The following LHFPL3 variants were observed in gnomAD, a reference collection of about 807,000 sequenced individuals.
The protein encoded by LHFPL3 is LHFPL tetraspan subfamily member 3, also known as LHFPL tetraspan subfamily member 3 protein.
Under a neutral mutation model 19.3 loss-of-function variants are expected in LHFPL3, and 5 were observed. The observed-to-expected ratio is 0.26, with a 90% CI of 0.14 to 0.54. LHFPL3 has a LOEUF of 0.54. LHFPL3 is among the 20% of genes least tolerant of loss of function. The pLI, the probability that LHFPL3 is intolerant of heterozygous loss-of-function variation, is 0.94. For synonymous variants in LHFPL3, 133 were observed against 126.2 expected, an observed-to-expected ratio of 1.05 and a Z score of -0.36; for missense variants, 249 against 307.4, an observed-to-expected ratio of 0.81 and a Z score of 1.42.
At chr7:104,750,629 G>A (rs976018266) in intron 2 of LHFPL3, among the ~76,000 whole-genome samples, 1 of 138,718 alleles carries the variant, frequency 7.2e-6, no homozygotes, top group Non-Finnish European at 1.6e-5. Context: ...GGGATTTTTT[G>A]TGGGGGCTCC....
chr7:104,495,585 A>T (rs575120824), intron 1 of LHFPL3, among the ~76,000 whole-genome samples: 4 of 152,104 alleles, frequency 2.6e-5, no homozygotes, highest in East Asian at 3.9e-4. Context: ...GGGTTTCACC[A>T]TGTTAGCCAG....
At chr7:104,515,273 A>T (rs563338401) in intron 1 of LHFPL3, among the ~76,000 whole-genome samples, 1 of 152,178 alleles carries the variant, frequency 6.6e-6, no homozygotes, top group Non-Finnish European at 1.5e-5. Flanking sequence ...ATTCCCTGAG[A>T]TGTTTCACTC....
At chr7:104,488,922 A>G (rs1208774808) in intron 1 of LHFPL3, among the ~76,000 whole-genome samples, 1 of 152,162 alleles carries the variant, frequency 6.6e-6, no homozygotes, top group African/African-American at 2.4e-5. Flanking sequence ...GATTTCAGGC[A>G]AAGAGAACCG....
At chr7:104,490,529 C>T (rs1793322411) in intron 1 of LHFPL3, among the ~76,000 whole-genome samples, 1 of 152,082 alleles carries the variant, frequency 6.6e-6, no homozygotes, top group African/African-American at 2.4e-5. Flanking sequence ...CCCCTGAGTA[C>T]CCAGATCCAA....
intron 1 of LHFPL3, among the ~76,000 whole-genome samples, chr7:104,354,780 A>G (rs1790242736): frequency 6.6e-6 from 1 of 152,128 alleles, no homozygotes; most frequent in African/African-American, 2.4e-5. Flanking sequence ...CCACATATGT[A>G]ATTGCACAAT....
At chr7:104,446,565 A>AT (rs912063272) in intron 1 of LHFPL3, among the ~76,000 whole-genome samples, 2 of 151,776 alleles carry the variant, frequency 1.3e-5, no homozygotes, top group South Asian at 2.1e-4. Context: ...TTTTTATTTT[A>AT]TTTTTTTATT....
rs117242707 is a variant in LHFPL3 at position 104,503,366 on chromosome 7, T to C, written c.445+174142T>C. ...CAGGAAAAAATTAGCTGTCTCTGGC[T>C]TGTGGAATTGTAAGTACTTTTTATA... On this transcript the variant is annotated intron_variant, in intron 1 of 2. Transcript: ENST00000424859. Among the ~76,000 whole-genome samples the C allele has an allele frequency of 3.9e-3, 585 of 151,798 alleles. 24 individuals are homozygous for C. In the East Asian group the frequency reaches 0.091, roughly 24 times the overall value.
At position 104,854,147 on chromosome 7, in the gene LHFPL3, A is replaced by C. The variant is rs150746459; in HGVS notation, c.683-52040A>C. On this transcript the variant is annotated intron_variant, in intron 2 of 2. Transcript: ENST00000424859. ...ATAGGAGATACCCAGAGACATGAGC[A>C]AATTTCAAAGAGGTGGCTTTAAGTT... 3.7e-3 allele frequency among the ~76,000 whole-genome samples: 567 copies of C among 152,346 alleles called. 8 individuals are homozygous for C. The highest frequency in any genetic ancestry group is 0.013 in the African/African-American group (546 of 41,576).
intron 2 of LHFPL3, among the ~76,000 whole-genome samples, chr7:104,864,122 G>A (rs183332015): frequency 6.6e-6 from 1 of 152,176 alleles, no homozygotes; most frequent in Non-Finnish European, 1.5e-5. Flanking sequence ...CTGTGTAAAA[G>A]TTCTGTACAA....
intron 1 of LHFPL3, among the ~76,000 whole-genome samples, chr7:104,381,465 C>T (rs1790827873): frequency 6.6e-6 from 1 of 151,850 alleles, no homozygotes; most frequent in African/African-American, 2.4e-5. Flanking sequence ...TAAATAATGC[C>T]CTTTGCCCCA....
chr7:104,347,024 C>T (rs1790080835), intron 1 of LHFPL3, among the ~76,000 whole-genome samples: 2 of 130,708 alleles, frequency 1.5e-5, no homozygotes, highest in Admixed American at 8.5e-5. Context: ...GTTCCTTAGC[C>T]TATCTGTGCC....
chr7:104,554,536 G>C (rs1794721804), intron 1 of LHFPL3, among the ~76,000 whole-genome samples: 1 of 152,104 alleles, frequency 6.6e-6, no homozygotes. Context: ...ACTTCATGTT[G>C]CTATCCTAAT....
At chr7:104,823,777 C>T (rs1790724029) in intron 2 of LHFPL3, among the ~76,000 whole-genome samples, 1 of 152,042 alleles carries the variant, frequency 6.6e-6, no homozygotes, top group African/African-American at 2.4e-5. Flanking sequence ...AAATCAACCT[C>T]CACATTTGCT....
chr7:104,732,788 G>T (rs1793730152), intron 1 of LHFPL3, among the ~76,000 whole-genome samples: 1 of 151,998 alleles, frequency 6.6e-6, no homozygotes, highest in South Asian at 2.1e-4. Flanking sequence ...GTTTGCTCTT[G>T]CTTCTCTAGT....
chr7:104,337,384 C>G (rs1416002475), intron 1 of LHFPL3, among the ~76,000 whole-genome samples: 1 of 151,954 alleles, frequency 6.6e-6, no homozygotes, highest in Non-Finnish European at 1.5e-5. Flanking sequence ...TGTATTGGCA[C>G]AGGACAAGCA....
intron 2 of LHFPL3, among the ~76,000 whole-genome samples, chr7:104,880,722 G>C (rs1339391637): frequency 6.6e-6 from 1 of 151,672 alleles, no homozygotes; most frequent in Non-Finnish European, 1.5e-5. Flanking sequence ...AAATATTACT[G>C]TTCATTGACA....
At chr7:104,896,199 G>A (rs1019115926) in intron 2 of LHFPL3, 1 of 152,234 alleles carries the variant, frequency 6.6e-6, no homozygotes, top group African/African-American at 2.4e-5. Context: ...CACTTTGGGA[G>A]ACATAATTCA....
At chr7:104,862,207 C>T (rs183819704) in intron 2 of LHFPL3, among the ~76,000 whole-genome samples, 1 of 152,098 alleles carries the variant, frequency 6.6e-6, no homozygotes, top group African/African-American at 2.4e-5. Context: ...TAGTCTGCCA[C>T]CCAGAAAAAT....
intron 2 of LHFPL3, among the ~76,000 whole-genome samples, chr7:104,847,819 A>ATCT (rs1481806878): frequency 6.6e-6 from 1 of 152,242 alleles, no homozygotes; most frequent in Non-Finnish European, 1.5e-5. Flanking sequence ...GCTATGATGA[A>ATCT]TCTTTTTTAG....
Sources: gnomAD v4.1 joint callset for allele counts (sites outside exome capture counted in the v4.1 genomes callset) on GRCh38, gnomAD v4.1.1 for gene constraint, MANE v1.5 for transcripts, NCBI Gene and HGNC (gene_info 2026-07-23, HGNC 2026-07-21) for gene names.